Variants in NDUFA9 observed in about 807,000 individuals in gnomAD.
NDUFA9 encodes NADH dehydrogenase [ubiquinone] 1 alpha subcomplex subunit 9, mitochondrial.
Under a neutral mutation model 45.9 loss-of-function variants are expected in NDUFA9, and 23 were observed. The ratio of observed to expected loss-of-function variants is 0.50; its 90% CI spans 0.36 to 0.71. The LOEUF is 0.71. NDUFA9 is among the 30% of genes least tolerant of loss of function. The probability of loss-of-function intolerance (pLI) is 0.00; values close to 1 mark genes in which losing one functional copy is unlikely to be tolerated. For missense variants in NDUFA9, 466 were observed against 488.2 expected, an observed-to-expected ratio of 0.95 and a Z score of 0.43; for synonymous variants, 176 against 170.5, an observed-to-expected ratio of 1.03 and a Z score of -0.25.
intron 2 of NDUFA9, 72 bp from the exon 3 acceptor site, chr12:4,654,753 A>G: frequency 8.3e-7 from 1 of 1,211,394 alleles, no homozygotes. Context: ...TTAAATATTT[A>G]CCAAGTCACA....
intron 9 of NDUFA9, 120 bp downstream of exon 9, chr12:4,682,420 T>C: frequency 1.8e-6 from 1 of 561,946 alleles, no homozygotes. Context: ...CTCCTAGTGT[T>C]ATGACATTAG....
chr12:4,666,625 G>T (rs199668108), intron 6 of NDUFA9, among the ~76,000 whole-genome samples: 4 of 152,178 alleles, frequency 2.6e-5, no homozygotes, highest in Admixed American at 2.6e-4. Flanking sequence ...ATGTTGAAAA[G>T]ATTATCTTTC....
rs902398679 is a variant in NDUFA9 at position 4,659,108 on chromosome 12, T to A, written c.483T>A (p.Val161=). The change falls in exon 5 of 11, where the codon GTT becomes GTA. Residue 161 remains valine, a synonymous_variant. Transcript: ENST00000266544. ...AIAQLSKEAG[V]EKFIHVSHLN... The stretch of plus-strand genomic sequence containing the variant: ...CTCAACTGTCCAAGGAAGCTGGAGT[T>A]GAAAAATTCATTCATGTTTCACATC... The A allele has an allele frequency of 6.2e-7, 1 of 1,612,172 alleles. No individual in the cohort carries two copies. Among genetic ancestry groups the A allele is most frequent in the Non-Finnish European group, 8.5e-7 (1 of 1,178,358 alleles).
chr12:4,683,568 G>A (rs1945966933), intron 9 of NDUFA9, among the ~76,000 whole-genome samples: 1 of 152,158 alleles, frequency 6.6e-6, no homozygotes, highest in South Asian at 2.1e-4. Context: ...GGGTGATAAC[G>A]ATATTTATTG....
chr12:4,669,595 T>G, intron 7 of NDUFA9, 146 bp from the exon 8 acceptor site: 1 of 544,212 alleles, frequency 1.8e-6, no homozygotes, highest in Non-Finnish European at 3.3e-6. Context: ...ACTTCACATT[T>G]TCTTTGTTGA....
At chr12:4,652,331 C>G (rs1945764274) in intron 1 of NDUFA9, among the ~76,000 whole-genome samples, 1 of 152,174 alleles carries the variant, frequency 6.6e-6, no homozygotes, top group African/African-American at 2.4e-5. Flanking sequence ...TTAAAACAAA[C>G]AAACAAACCT....
At chr12:4,673,940 G>A (rs984444402) in intron 8 of NDUFA9, among the ~76,000 whole-genome samples, 1 of 152,192 alleles carries the variant, frequency 6.6e-6, no homozygotes. Flanking sequence ...TACCCACAAA[G>A]GGAAGCCCAT....
At chr12:4,671,528 AATTG>A (rs1945887005) in intron 8 of NDUFA9, among the ~76,000 whole-genome samples, 1 of 152,148 alleles carries the variant, frequency 6.6e-6, no homozygotes. Context: ...ATTTCCTTCA[AATTG>A]ATTGACAAAT....
intron 3 of NDUFA9, chr12:4,655,461 A>G (rs1945784340): frequency 6.6e-6 from 1 of 152,268 alleles, no homozygotes; most frequent in South Asian, 2.1e-4. Flanking sequence ...AGTATGAAGA[A>G]AACAATATAC....
At chr12:4,676,470 A>G (rs1945920612) in intron 8 of NDUFA9, among the ~76,000 whole-genome samples, 1 of 152,228 alleles carries the variant, frequency 6.6e-6, no homozygotes, top group Admixed American at 6.5e-5. Flanking sequence ...ATGTGCAAAA[A>G]TCACAAGCAT....
chr12:4,685,415 T>C, intron 10 of NDUFA9, 90 bp downstream of exon 10: 4 of 1,226,210 alleles, frequency 3.3e-6, no homozygotes, highest in Non-Finnish European at 4.7e-6. Flanking sequence ...TCCCGGCCCT[T>C]GTCTGTTTGC....
At position 4,659,173 on chromosome 12, in the gene NDUFA9, ATAAGG is replaced by A. The variant is rs755096595; in HGVS notation, c.552+1_552+5del. 6.2e-7 allele frequency: 1 copy of A among 1,610,946 alleles called. No individual in the cohort carries two copies. Among genetic ancestry groups the A allele is most frequent in the African/African-American group, 1.3e-5 (1 of 74,948 alleles). ...AAAAGCTCTTCTAGATATTTGAGAA[ATAAGG>A]TAAGTAACAAATTGATCTGGGAAGT... On this transcript the variant is annotated splice_donor_variant and coding_sequence_variant, in exon 5 of 11. Coordinates refer to ENST00000266544, the MANE Select transcript of NDUFA9 (RefSeq NM_005002.5). LOFTEE classifies it high-confidence loss of function.
rs1390784351 is a variant in NDUFA9 at position 4,670,871 on chromosome 12, A to C, written c.800+1054A>C. Among the ~76,000 whole-genome samples the C allele has an allele frequency of 2.6e-5, 4 of 152,242 alleles. 1 individual carries two copies. Among genetic ancestry groups the C allele is most frequent in the South Asian group, 4.1e-4 (2 of 4,834 alleles). ...GAAGAGGTACATGGACTAGGATTTC[A>C]GGGAATAAATGAGCGGAAATGGCTT... On this transcript the variant is annotated intron_variant, in intron 8 of 10. Transcript: ENST00000266544.
In NDUFA9 at chr12:4,691,224, T is replaced by C. The variant is rs1216072115; in HGVS notation, c.*4116T>C. The C allele has an allele frequency of 2.6e-5, 4 of 152,200 alleles. No individual in the cohort carries two copies. Among genetic ancestry groups the C allele is most frequent in the Non-Finnish European group, 4.4e-5 (3 of 68,024 alleles). The allele number at this position is 152,200 out of a possible 1,614,324, so 9.4% of individuals were successfully genotyped here. A position where few individuals can be genotyped will look rare whatever the true frequency, so the allele number is the denominator to read the frequency against. On this transcript the variant is annotated 3_prime_UTR_variant, in exon 11 of 11. Transcript: ENST00000266544. ...GAGGAATTAAATGAGATCATGCATG[T>C]AAAATGCTGAGCCCTGCACATAATA...
chr12:4,667,125 G>A (rs1945857532), intron 6 of NDUFA9, among the ~76,000 whole-genome samples: 1 of 152,198 alleles, frequency 6.6e-6, no homozygotes, highest in East Asian at 1.9e-4. Flanking sequence ...CTCACATGGT[G>A]GAAGGTGGAA....
chr12:4,682,213 G>A lies in NDUFA9; in HGVS notation c.809G>A (p.Arg270Gln), dbSNP rs200750609. 3.4e-4 allele frequency: 549 copies of A among 1,608,866 alleles called. No homozygotes were observed. The highest frequency in any genetic ancestry group is 2.9e-3 in the East Asian group (130 of 44,742). ...GTATTGTCTTTTTATAGTCCCAGTC[G>A]GTACCTCCTTTTCCACCTGGTGAAG... ...GKSFAFVGPS[R>Q]YLLFHLVKYI... The change falls in exon 9 of 11, where the codon CGG (arginine) becomes CAG (glutamine). Residue 270 changes from arginine (R) to glutamine (Q), a missense_variant. Physicochemically the swap from Arg to Gln is conservative, Grantham distance 43. Coordinates refer to ENST00000266544, the MANE Select transcript of NDUFA9 (RefSeq NM_005002.5).
chr12:4,677,425 A>C (rs1413275877), intron 8 of NDUFA9, among the ~76,000 whole-genome samples: 1 of 152,230 alleles, frequency 6.6e-6, no homozygotes, highest in African/African-American at 2.4e-5. Context: ...TAATATCCAG[A>C]ATCTACAAAG....
At chr12:4,685,450 C>T in intron 10 of NDUFA9, 125 bp downstream of exon 10, 1 of 842,408 alleles carries the variant, frequency 1.2e-6, no homozygotes, top group South Asian at 1.7e-5. Context: ...GCAGTCAGCC[C>T]CTCTACTAGC....
In NDUFA9 at chr12:4,691,414, C is replaced by G. The variant is rs1946017868; in HGVS notation, c.*4306C>G. The G allele has an allele frequency of 1.3e-5, 2 of 152,168 alleles. No individual in the cohort carries two copies. The highest frequency in any genetic ancestry group is 6.5e-5 in the Admixed American group (1 of 15,270). The allele number at this position is 152,168 out of a possible 1,614,324, so 9.4% of individuals were successfully genotyped here. A position where few individuals can be genotyped will look rare whatever the true frequency, so the allele number is the denominator to read the frequency against. ...AGGGACTTATAGAAGGTAAATTGCC[C>G]CATTAGTAAGTAGCTGAATTGGTTT... On this transcript the variant is annotated 3_prime_UTR_variant, in exon 11 of 11. Coordinates refer to ENST00000266544, the MANE Select transcript of NDUFA9 (RefSeq NM_005002.5).
Sources: allele counts gnomAD v4.1 joint callset (sites outside exome capture counted in the v4.1 genomes callset), GRCh38; gene constraint gnomAD v4.1.1; transcripts MANE v1.5; gene names NCBI Gene and HGNC (gene_info 2026-07-23, HGNC 2026-07-21).